The following C2orf68 variants were observed in gnomAD, a reference collection of about 807,000 sequenced individuals.
The protein encoded by C2orf68 is chromosome 2 open reading frame 68, also known as UPF0561 protein C2orf68.
A neutral mutation model predicts 19.1 loss-of-function variants in C2orf68; 15 were observed. That is an observed-to-expected ratio of 0.79 (90% CI 0.53 to 1.21). The LOEUF is 1.21. Among genes scored for constraint, C2orf68 ranks in the 50% most tolerant of loss-of-function variants. The pLI is 0.00. For missense variants in C2orf68, 242 were observed against 226.6 expected (o/e 1.07, Z -0.44); for synonymous variants, 98 against 91.0 (o/e 1.08, Z -0.44).
Position 85,608,194 on chromosome 2 carries a change from G to C in C2orf68, c.*751C>G, listed in dbSNP as rs1159804681. On this transcript the variant is annotated 3_prime_UTR_variant, in exon 4 of 4. Coordinates refer to ENST00000306336, the MANE Select transcript of C2orf68 (RefSeq NM_001013649.4). ...TGCTGTAAGAAATCTTTTCAGTTTA[G>C]CACCAACATCTTCCTAGGTTTCCTG... 2 of 152,186 alleles carry C rather than the reference G, an allele frequency of 1.3e-5. No homozygotes were observed. The highest frequency in any genetic ancestry group is 2.9e-5 in the Non-Finnish European group (2 of 68,034). 9.4% of individuals were successfully genotyped at this position (152,186 alleles called of 1,614,324 possible). A position where few individuals can be genotyped will look rare whatever the true frequency, so the allele number is the denominator to read the frequency against.
At chr2:85,610,729 G>C (rs1244654002) in intron 2 of C2orf68, 1 of 151,324 alleles carries the variant, frequency 6.6e-6, no homozygotes, top group Non-Finnish European at 1.5e-5. Context: ...GATCAGCCTG[G>C]ACAACGTGGA....
At chr2:85,610,042 T>A (rs995433255) in intron 2 of C2orf68, among the ~76,000 whole-genome samples, 1 of 132,548 alleles carries the variant, frequency 7.5e-6, no homozygotes, top group Non-Finnish European at 1.6e-5. Context: ...TGAGACGGAG[T>A]CTTGCTCTGT....
At chr2:85,611,638 G>C (rs1175781470) in intron 2 of C2orf68, 30 bp downstream of exon 2, 2 of 1,565,888 alleles carry the variant, frequency 1.3e-6, no homozygotes, top group Non-Finnish European at 1.7e-6. Context: ...GAGCGCGCGG[G>C]CTGGAGGCAG....
At chr2:85,609,354 G>T in intron 3 of C2orf68, 81 bp downstream of exon 3, 1 of 1,548,496 alleles carries the variant, frequency 6.5e-7, no homozygotes. Context: ...GGGGTCCTGA[G>T]GAAAACAGGG....
rs1248578068 is a variant in C2orf68 at position 85,608,983 on chromosome 2, TA to T, written c.462del (p.Ile155SerfsTer45). ...DPPMREALKLRIQEEIAKRQS... is the reference protein window; with the variant it reads ...DPPMREALKLXIQEEIAKRQS... The stretch of plus-strand genomic sequence containing the variant: ...TGGCGCTTTGCAATCTCCTCCTGGA[TA>T]CGCAACTTGAGGGCTTCTCGCATGG... On this transcript the variant is annotated frameshift_variant, in exon 4 of 4. Coordinates refer to ENST00000306336, the MANE Select transcript of C2orf68 (RefSeq NM_001013649.4). LOFTEE classifies it high-confidence loss of function. 2 of 1,614,234 alleles carry T rather than the reference TA, an allele frequency of 1.2e-6. No homozygotes were observed. The highest frequency in any genetic ancestry group is 1.7e-6 in the Non-Finnish European group (2 of 1,180,048).
At position 85,611,700 on chromosome 2, in the gene C2orf68, G is replaced by A; in HGVS notation, c.194C>T (p.Pro65Leu). Residue 65 changes from proline (P) to leucine (L), a missense_variant, in exon 2 of 4, where the codon CCA (proline) becomes CTA (leucine). Physicochemically the swap from Pro to Leu is moderately conservative, Grantham distance 98. Transcript: ENST00000306336. ...TCGCGGCAGGTACACCTGCAGGTCTGGCTTGCGGGGCCGCGTCGGCGCGGG... is the reference window on the plus strand; with the variant it reads ...TCGCGGCAGGTACACCTGCAGGTCTAGCTTGCGGGGCCGCGTCGGCGCGGG... ...HTPAPTRPRK[P>L]DLQVYLPRHR... 6.3e-7 allele frequency: 1 copy of A among 1,583,812 alleles called. No homozygotes were observed. The highest frequency in any genetic ancestry group is 1.3e-5 in the African/African-American group (1 of 74,500).
rs1246053802 is a variant in C2orf68, at chr2:85,605,766, T to A, written c.*3179A>T. On this transcript the variant is annotated 3_prime_UTR_variant, in exon 4 of 4. Coordinates refer to ENST00000306336, the MANE Select transcript of C2orf68 (RefSeq NM_001013649.4). Reference sequence around the variant, plus strand: ...TGCACAGCAGATTGGATACTCACCATCCCAAAGGGGTTCCTCCCACCTGGA... The same window carrying A: ...TGCACAGCAGATTGGATACTCACCAACCCAAAGGGGTTCCTCCCACCTGGA... 6.6e-6 allele frequency among the ~76,000 whole-genome samples: 1 copy of A among 152,162 alleles called. No individual in the cohort carries two copies. The highest frequency in any genetic ancestry group is 2.4e-5 in the African/African-American group (1 of 41,428).
At chr2:85,610,768 T>G (rs939918663) in intron 2 of C2orf68, 3 of 150,874 alleles carry the variant, frequency 2.0e-5, no homozygotes, top group African/African-American at 4.9e-5. Context: ...CTCTTTTTTT[T>G]TTTTTTTTGA....
Position 85,611,954 on chromosome 2 carries a change from G to A in C2orf68, c.31C>T (p.His11Tyr). 2.6e-6 allele frequency: 4 copies of A among 1,561,692 alleles called. No homozygotes were observed. Among genetic ancestry groups the A allele is most frequent in the Non-Finnish European group, 3.4e-6 (4 of 1,163,952 alleles). The part of the protein sequence containing the change: MEAGPHPRPG[H>Y]CCKPGGRLDM... Reference sequence around the variant, plus strand: ...AGCCGCCCCCCAGGCTTGCAGCAGTGCCCCGGCCGGGGATGCGGCCCCGCC... The same window carrying A: ...AGCCGCCCCCCAGGCTTGCAGCAGTACCCCGGCCGGGGATGCGGCCCCGCC... Residue 11 changes from histidine to tyrosine, a missense_variant, in exon 1 of 4, where the codon CAC becomes TAC. Physicochemically the swap from His to Tyr is moderately conservative, Grantham distance 83 (BLOSUM62 2). Transcript: ENST00000306336.
rs1221549170 is a variant in C2orf68 at position 85,605,542 on chromosome 2, C to A, written c.*3403G>T. On this transcript the variant is annotated 3_prime_UTR_variant, in exon 4 of 4. Transcript: ENST00000306336. The stretch of plus-strand genomic sequence containing the variant: ...CCTATGGCTGTATGACCATCTGATT[C>A]CTCAGGGACAGGACAGGAATTCAGC... Among the ~76,000 whole-genome samples the A allele has an allele frequency of 6.6e-6, 1 of 152,148 alleles. No homozygotes were observed. The highest frequency in any genetic ancestry group is 1.5e-5 in the Non-Finnish European group (1 of 68,028).
In C2orf68 at chr2:85,608,936, T is replaced by G; in HGVS notation, c.*9A>C. On this transcript the variant is annotated 3_prime_UTR_variant, in exon 4 of 4. Coordinates refer to ENST00000306336, the MANE Select transcript of C2orf68 (RefSeq NM_001013649.4). Reference sequence around the variant, plus strand: ...TGAATCCAGCCTGGAGAGAACGCCTTCAACATGGTCAGTGTTGGCTCTGGC... The same window carrying G: ...TGAATCCAGCCTGGAGAGAACGCCTGCAACATGGTCAGTGTTGGCTCTGGC... The G allele has an allele frequency of 6.2e-7, 1 of 1,614,028 alleles. No homozygotes were observed. Among genetic ancestry groups the G allele is most frequent in the Non-Finnish European group, 8.5e-7 (1 of 1,179,920 alleles).
rs1327179459 is a variant in C2orf68, at chr2:85,606,731, TA to T, written c.*2213del. On this transcript the variant is annotated 3_prime_UTR_variant, in exon 4 of 4. Transcript: ENST00000306336. ...TGTGAGGATTACCACAACAAACACTTAAAAGGATACAACAGGTACTTATTAA... is the reference window on the plus strand; with the variant it reads ...TGTGAGGATTACCACAACAAACACTTAAAGGATACAACAGGTACTTATTAA... The T allele has an allele frequency of 6.6e-6, 1 of 151,842 alleles. No individual in the cohort carries two copies. The highest frequency in any genetic ancestry group is 2.4e-5 in the African/African-American group (1 of 41,366). The allele number at this position is 151,842 out of a possible 1,614,324, so 9.4% of individuals were successfully genotyped here.
At chr2:85,611,008 C>T (rs1390914221) in intron 2 of C2orf68, 1 of 156,186 alleles carries the variant, frequency 6.4e-6, no homozygotes, top group Non-Finnish European at 1.4e-5. Context: ...ATCCGCCCGC[C>T]TCGGCCTCCC....
In C2orf68 at chr2:85,608,878, T is replaced by A; in HGVS notation, c.*67A>T. 6.3e-7 allele frequency: 1 copy of A among 1,591,822 alleles called. No individual in the cohort carries two copies. Among genetic ancestry groups the A allele is most frequent in the Non-Finnish European group, 8.6e-7 (1 of 1,165,228 alleles). ...CAAACTGGTCCTGGTACCCCCACAC[T>A]AAATTCCCTGGGCAGAATTCTTCCG... On this transcript the variant is annotated 3_prime_UTR_variant, in exon 4 of 4. Transcript: ENST00000306336.
At position 85,605,822 on chromosome 2, in the gene C2orf68, C is replaced by T. The variant is rs1673192575; in HGVS notation, c.*3123G>A. Among the ~76,000 whole-genome samples the T allele has an allele frequency of 6.6e-6, 1 of 152,216 alleles. No homozygotes were observed. The highest frequency in any genetic ancestry group is 1.5e-5 in the Non-Finnish European group (1 of 68,046). ...CCAATCTCTAGTTGACAGTGCCCCT[C>T]AGAGTGCACCATGGAGATGGAATGT... is the stretch of plus-strand genomic sequence containing the variant. On this transcript the variant is annotated 3_prime_UTR_variant, in exon 4 of 4. Transcript: ENST00000306336.
Position 85,611,739 on chromosome 2 carries a change from CTCACCTTCTCCTTGGCCGCCTGCT to C in C2orf68, c.131_154del (p.Lys44_Val51del), listed in dbSNP as rs767302878. ...CGTCGGCGCGGGCGTGTGCCGCCTCCTCACCTTCTCCTTGGCCGCCTGCTTCACCTTCTTGTCATAGTCGTCCCT... is the reference window on the plus strand; with the variant it reads ...CGTCGGCGCGGGCGTGTGCCGCCTCCTCACCTTCTTGTCATAGTCGTCCCT... On this transcript the variant is annotated inframe_deletion, in exon 2 of 4. Transcript: ENST00000306336. 3 of 1,610,542 alleles carry C rather than the reference CTCACCTTCTCCTTGGCCGCCTGCT, an allele frequency of 1.9e-6. No individual in the cohort carries two copies. The highest frequency in any genetic ancestry group is 2.2e-5 in the East Asian group (1 of 44,734).
Position 85,611,679 on chromosome 2 carries a change from G to C in C2orf68, c.215C>G (p.Pro72Arg), listed in dbSNP as rs1046947660. Residue 72 changes from proline (P) to arginine (R), a missense_variant, in exon 2 of 4, where the codon CCG (proline) becomes CGG (arginine). Transcript: ENST00000306336. ...GCGGGCGGCCTCACCTCGGTGTCGCGGCAGGTACACCTGCAGGTCTGGCTT... is the reference window on the plus strand; with the variant it reads ...GCGGGCGGCCTCACCTCGGTGTCGCCGCAGGTACACCTGCAGGTCTGGCTT... ...PRKPDLQVYL[P>R]RHRDVSAHPR... The C allele has an allele frequency of 6.4e-6, 10 of 1,565,998 alleles. No individual in the cohort carries two copies. The highest frequency in any genetic ancestry group is 7.8e-6 in the Non-Finnish European group (9 of 1,156,184).
chr2:85,606,204 G>A lies in C2orf68; in HGVS notation c.*2741C>T, dbSNP rs976389799. On this transcript the variant is annotated 3_prime_UTR_variant, in exon 4 of 4. Coordinates refer to ENST00000306336, the MANE Select transcript of C2orf68 (RefSeq NM_001013649.4). ...TTTTTTAAAGACAGCCAATTACATC[G>A]TATCTAGTCAAATGAGCGGATTCTA... 2.0e-5 allele frequency among the ~76,000 whole-genome samples: 3 copies of A among 152,164 alleles called. No individual in the cohort carries two copies. Among genetic ancestry groups the A allele is most frequent in the Admixed American group, 2.0e-4 (3 of 15,278 alleles).
At position 85,609,564 on chromosome 2, in the gene C2orf68, G is replaced by C. The variant is rs770609706; in HGVS notation, c.249C>G (p.Asn83Lys). 6.2e-7 allele frequency: 1 copy of C among 1,614,190 alleles called. No individual in the cohort carries two copies. Residue 83 changes from asparagine (N) to lysine (K), a missense_variant, in exon 3 of 4, where the codon AAC (asparagine) becomes AAG (lysine). Transcript: ENST00000306336. ...TTTCACCGGACTCTTCATAGTCTGG[G>C]TTGCGTGGGTGGGCAGAGACATCTG... is the stretch of plus-strand genomic sequence containing the variant. ...RHRDVSAHPRNPDYEESGESS... is the reference protein window; with the variant it reads ...RHRDVSAHPRKPDYEESGESS...
Sources: gnomAD v4.1 joint callset for allele counts (sites outside exome capture counted in the v4.1 genomes callset) on GRCh38, gnomAD v4.1.1 for gene constraint, MANE v1.5 for transcripts, NCBI Gene and HGNC (gene_info 2026-07-23, HGNC 2026-07-21) for gene names.